Variants in C4orf50 observed in about 807,000 individuals in gnomAD.
The protein encoded by C4orf50 is uncharacterized protein C4orf50.
Under a neutral mutation model 77.2 loss-of-function variants are expected in C4orf50, and 80 were observed. The ratio of observed to expected loss-of-function variants is 1.04; its 90% CI spans 0.87 to 1.25. C4orf50 has a LOEUF of 1.25. C4orf50 is among the 50% of genes most tolerant of loss of function. The pLI, the probability that C4orf50 is intolerant of heterozygous loss-of-function variation, is 0.00. For synonymous variants in C4orf50, 532 were observed against 465.3 expected (o/e 1.14, Z -1.84); for missense variants, 1,257 against 1,152.9 (o/e 1.09, Z -1.31).
chr4:5,972,718 G>C (rs1719998068), intron 31 of C4orf50, among the ~76,000 whole-genome samples: 1 of 152,364 alleles, frequency 6.6e-6, no homozygotes, highest in Non-Finnish European at 1.5e-5. Context: ...AGCCTGGAGG[G>C]ACCATGGAAA....
At chr4:5,990,170 G>A (rs925999128) in exon 28 of C4orf50, 2 of 1,249,588 alleles carry the variant, frequency 1.6e-6, no homozygotes, top group African/African-American at 3.1e-5. Context: ...TGTAGAAGAG[G>A]CATCAAAAAC....
chr4:5,903,888 G>A (rs1284986712), intron 7 of C4orf50: 1 of 152,172 alleles, frequency 6.6e-6, no homozygotes, highest in Non-Finnish European at 1.5e-5. Flanking sequence ...AAAAGTAAAT[G>A]TAAGCCAAAC....
At chr4:5,939,025 C>T (rs760712235) in intron 7 of C4orf50, among the ~76,000 whole-genome samples, 4 of 151,960 alleles carry the variant, frequency 2.6e-5, no homozygotes, top group Admixed American at 2.0e-4. Context: ...GGGGATCACC[C>T]GAGGTCAGGA....
rs1241068880 is a variant in C4orf50, at chr4:5,958,344, C to T, written c.*1031G>A. 6.6e-6 allele frequency: 1 copy of T among 152,208 alleles called. No individual in the cohort carries two copies. Among genetic ancestry groups the T allele is most frequent in the East Asian group, 1.9e-4 (1 of 5,188 alleles). 9.4% of individuals were successfully genotyped at this position (152,208 alleles called of 1,614,324 possible). A position where few individuals can be genotyped will look rare whatever the true frequency, so the allele number is the denominator to read the frequency against. On this transcript the variant is annotated 3_prime_UTR_variant, in exon 34 of 34. Transcript: ENST00000531445. This position sits in a 1 kb window ranked among gnomAD's most constrained non-coding sequence, Gnocchi z 5.4. ...CGATGCAGTGACTGCTTGCAGCTGG[C>T]TTGACAAGAGCATGCTTTGCCCACT...
chr4:5,950,234 G>A (rs1378007147), intron 7 of C4orf50, among the ~76,000 whole-genome samples: 2 of 152,126 alleles, frequency 1.3e-5, no homozygotes, highest in Non-Finnish European at 2.9e-5. Flanking sequence ...AAACTGACAG[G>A]CCACTTAGAC....
At chr4:5,950,204 C>T (rs1333193597) in intron 7 of C4orf50, among the ~76,000 whole-genome samples, 1 of 152,098 alleles carries the variant, frequency 6.6e-6, no homozygotes, top group Non-Finnish European at 1.5e-5. Flanking sequence ...AAACAAACTG[C>T]AAATATTTTT....
intron 27 of C4orf50, among the ~76,000 whole-genome samples, chr4:5,991,148 C>A (rs966264550): frequency 6.6e-6 from 1 of 152,230 alleles, no homozygotes; most frequent in African/African-American, 2.4e-5. Context: ...CATCTTCTCC[C>A]ACAGCACCCT....
At chr4:5,915,797 C>T (rs753859443) in intron 7 of C4orf50, among the ~76,000 whole-genome samples, 13 of 152,212 alleles carry the variant, frequency 8.5e-5, no homozygotes, top group African/African-American at 1.2e-4. Context: ...CTGCCTGACT[C>T]ACTCTTCCAT....
rs373279543 is a variant in C4orf50, at chr4:5,950,737, G to A, written c.*2474+6164C>T. 5.9e-5 allele frequency among the ~76,000 whole-genome samples: 9 copies of A among 152,254 alleles called. No individual in the cohort carries two copies. In the East Asian group the frequency reaches 1.3e-3, roughly 23 times the overall value. On this transcript the variant is annotated intron_variant, in intron 7 of 7. Coordinates refer to the C4orf50 transcript ENST00000324058. The stretch of plus-strand genomic sequence containing the variant: ...TTTTCTTCCCTCACGACATCGATCA[G>A]GACTTGAAATTACACAATATATATG...
At chr4:5,941,970 A>G (rs973870041) in intron 7 of C4orf50, among the ~76,000 whole-genome samples, 42 of 152,100 alleles carry the variant, frequency 2.8e-4, no homozygotes, top group African/African-American at 9.9e-4. Flanking sequence ...AAGCGCCTCC[A>G]ATTATCAATG....
exon 34 of C4orf50, chr4:5,959,345 T>C (rs1719139131): frequency 6.2e-7 from 1 of 1,602,078 alleles, no homozygotes; most frequent in Admixed American, 1.7e-5. Context: ...ATGGAGTCTA[T>C]GAAATGGCTC....
chr4:5,947,620 T>G (rs1718538163), intron 7 of C4orf50, among the ~76,000 whole-genome samples: 1 of 152,122 alleles, frequency 6.6e-6, no homozygotes, highest in East Asian at 2.0e-4. Flanking sequence ...CAGAGGCAGC[T>G]CCCGCACTGC....
At chr4:5,986,452 TTTG>T (rs995653074) in intron 28 of C4orf50, among the ~76,000 whole-genome samples, 2 of 152,206 alleles carry the variant, frequency 1.3e-5, no homozygotes, top group East Asian at 1.9e-4. Context: ...TTTTAGGTTT[TTTG>T]TTGTTGTTGT....
intron 33 of C4orf50, among the ~76,000 whole-genome samples, chr4:5,959,929 G>C (rs900106378): frequency 1.3e-5 from 2 of 152,154 alleles, no homozygotes; most frequent in East Asian, 3.9e-4. Context: ...TTCCTGTAGA[G>C]TGGATATCCT....
chr4:5,944,570 G>C (rs1222853469), intron 7 of C4orf50, among the ~76,000 whole-genome samples: 3 of 152,272 alleles, frequency 2.0e-5, no homozygotes, highest in South Asian at 2.1e-4. Flanking sequence ...GCCACACCTT[G>C]GTTCATACCT....
intron 7 of C4orf50, among the ~76,000 whole-genome samples, chr4:5,924,634 G>T (rs927804979): frequency 6.6e-6 from 1 of 152,208 alleles, no homozygotes; most frequent in Non-Finnish European, 1.5e-5. Context: ...CAGCAGCCCA[G>T]GTCTTCTGCC....
exon 28 of C4orf50, chr4:5,988,978 G>A: frequency 1.3e-6 from 2 of 1,536,026 alleles, no homozygotes; most frequent in East Asian, 4.9e-5. Context: ...CCCTTTCAGT[G>A]TTTCATTTTC....
intron 29 of C4orf50, among the ~76,000 whole-genome samples, chr4:5,976,246 C>T (rs1158632945): frequency 1.3e-5 from 2 of 151,646 alleles, no homozygotes; most frequent in Non-Finnish European, 2.9e-5. Context: ...GAGATCGAGA[C>T]CATCCTGGCT....
chr4:5,912,082 AACAAAC>A (rs1223342564), intron 7 of C4orf50, among the ~76,000 whole-genome samples: 1 of 20,978 alleles, frequency 4.8e-5, no homozygotes, highest in Admixed American at 4.7e-4. Context: ...AAACCACACA[AACAAAC>A]ACAAACAAAC....
Sources: allele counts gnomAD v4.1 joint callset (sites outside exome capture counted in the v4.1 genomes callset), GRCh38; gene constraint gnomAD v4.1.1; non-coding constraint Gnocchi (gnomAD v3.1); transcripts MANE v1.5; gene names NCBI Gene and HGNC (gene_info 2026-07-23, HGNC 2026-07-21).